The following NCOA1 variants were observed in gnomAD, a reference collection of about 807,000 sequenced individuals.
The protein encoded by NCOA1 is Hin-2 protein.
In NCOA1, 35 loss-of-function variants were observed where a neutral mutation model predicts 150.9. The observed-to-expected ratio is 0.23, with a 90% CI of 0.18 to 0.31. NCOA1 has a LOEUF of 0.31. Ranked by LOEUF, NCOA1 falls within the 10% of genes least tolerant of loss-of-function variation. The probability of loss-of-function intolerance (pLI) is 1.00; values close to 1 mark genes in which losing one functional copy is unlikely to be tolerated. For synonymous variants in NCOA1, 590 were observed against 630.0 expected (o/e 0.94, Z 0.95); for missense variants, 1,491 against 1,749.3 (o/e 0.85, Z 2.63).
chr2:24,660,991 G>A (rs937180915), intron 5 of NCOA1, among the ~76,000 whole-genome samples: 4 of 152,052 alleles, frequency 2.6e-5, no homozygotes. Flanking sequence ...AACCCGGGAG[G>A]TGGAGGTTGC....
chr2:24,573,561 G>T, intron 2 of NCOA1, among the ~76,000 whole-genome samples: 1 of 152,074 alleles, frequency 6.6e-6, no homozygotes, highest in East Asian at 1.9e-4. Context: ...TTGATGATTT[G>T]GGGTTTATTT....
At chr2:24,603,824 G>A (rs993670757) in intron 3 of NCOA1, among the ~76,000 whole-genome samples, 1 of 152,210 alleles carries the variant, frequency 6.6e-6, no homozygotes, top group Non-Finnish European at 1.5e-5. Flanking sequence ...GATCTCCCAT[G>A]AATCACGAAT....
chr2:24,645,622 T>C (rs1255972979), intron 4 of NCOA1, among the ~76,000 whole-genome samples: 1 of 152,104 alleles, frequency 6.6e-6, no homozygotes, highest in African/African-American at 2.4e-5. Flanking sequence ...GTGCCCCATA[T>C]CTGAAATGCT....
chr2:24,615,313 T>G (rs1668827467), intron 3 of NCOA1, among the ~76,000 whole-genome samples: 1 of 152,228 alleles, frequency 6.6e-6, no homozygotes, highest in African/African-American at 2.4e-5. Context: ...TGCTTGTTAC[T>G]AGTAGCTATG....
At chr2:24,576,172 T>TC (rs1666969242) in intron 2 of NCOA1, among the ~76,000 whole-genome samples, 1 of 37,936 alleles carries the variant, frequency 2.6e-5, no homozygotes, top group Non-Finnish European at 7.8e-5. Context: ...TGTTTTTTGT[T>TC]TTTTTTTTTT....
Position 24,577,464 on chromosome 2 carries a change from C to T in NCOA1, c.-259-7012C>T, listed in dbSNP as rs1368766358. ...TGGGAATCATAAGATTGAGTGTAAT[C>T]GTCTTCCAAATTCTGACATGCTGCT... On this transcript the variant is annotated intron_variant, in intron 2 of 22. Transcript: ENST00000348332. Among the ~76,000 whole-genome samples the T allele has an allele frequency of 2.6e-5, 4 of 152,136 alleles. No individual in the cohort carries two copies. In the East Asian group the frequency reaches 7.7e-4, roughly 29 times the overall value.
intron 1 of NCOA1, among the ~76,000 whole-genome samples, chr2:24,552,046 G>A (rs1665850059): frequency 6.6e-6 from 1 of 151,892 alleles, no homozygotes; most frequent in South Asian, 2.1e-4. Flanking sequence ...CTTAATTGCT[G>A]TAGCTTTATG....
chr2:24,742,141 A>G lies in NCOA1; in HGVS notation c.3661A>G (p.Ile1221Val). The change falls in exon 19 of 23, where the codon ATC becomes GTC. Residue 1221 changes from isoleucine to valine, a missense_variant. Ile to Val is a conservative substitution (Grantham distance 29). Transcript: ENST00000348332. ...GNIGGQFGTGINPQMQQNVFQ... is the reference protein window; with the variant it reads ...GNIGGQFGTGVNPQMQQNVFQ... ...CATAGGAGGACAGTTTGGCACTGGA[A>G]TCAATCCTCAGATGCAGCAGAATGT... 1.2e-6 allele frequency: 2 copies of G among 1,613,960 alleles called. No individual in the cohort carries two copies. The highest frequency in any genetic ancestry group is 1.7e-6 in the Non-Finnish European group (2 of 1,179,878).
intron 9 of NCOA1, among the ~76,000 whole-genome samples, chr2:24,692,433 G>A (rs1008072059): frequency 1.3e-5 from 2 of 152,134 alleles, no homozygotes; most frequent in African/African-American, 2.4e-5. Flanking sequence ...ACAAAACTTG[G>A]GAATGGGACT....
At chr2:24,624,174 G>GA (rs958095580) in intron 3 of NCOA1, among the ~76,000 whole-genome samples, 5 of 151,394 alleles carry the variant, frequency 3.3e-5, no homozygotes, top group African/African-American at 9.7e-5. Context: ...TTGCAGTAAA[G>GA]AAAAAAAATG....
At chr2:24,648,359 C>T (rs1009455848) in intron 4 of NCOA1, among the ~76,000 whole-genome samples, 8 of 151,970 alleles carry the variant, frequency 5.3e-5, no homozygotes, top group Admixed American at 2.0e-4. Flanking sequence ...CTGCATCCTC[C>T]GCCTCCCGGG....
intron 6 of NCOA1, among the ~76,000 whole-genome samples, chr2:24,671,278 C>T (rs1239343980): frequency 6.6e-6 from 1 of 152,026 alleles, no homozygotes; most frequent in Non-Finnish European, 1.5e-5. Flanking sequence ...AAAGTTTGTA[C>T]AATTGTCCCT....
intron 2 of NCOA1, among the ~76,000 whole-genome samples, chr2:24,575,355 C>A (rs1666911124): frequency 6.6e-6 from 1 of 152,058 alleles, no homozygotes; most frequent in Non-Finnish European, 1.5e-5. Flanking sequence ...TTCAACACTT[C>A]CATATCTTTT....
At position 24,641,936 on chromosome 2, in the gene NCOA1, A is replaced by ACTATTT. The variant is rs1000477633; in HGVS notation, c.-174-2027_-174-2022dup. 6.8e-4 allele frequency among the ~76,000 whole-genome samples: 103 copies of ACTATTT among 151,856 alleles called. 1 individual carries two copies. Among genetic ancestry groups the ACTATTT allele is most frequent in the African/African-American group, 2.4e-3 (98 of 41,370 alleles). ...TTTTCTATCATTATTTCCCCATAAT[A>ACTATTT]CTATTTCTGCCCCAGTGTCTTTCGC... On this transcript the variant is annotated intron_variant, in intron 3 of 22. Transcript: ENST00000348332.
intron 11 of NCOA1, among the ~76,000 whole-genome samples, chr2:24,699,786 A>G (rs1026991185): frequency 1.8e-5 from 2 of 110,654 alleles, no homozygotes; most frequent in Non-Finnish European, 4.7e-5. Flanking sequence ...TGTTAAAGAT[A>G]GTGACCTGCT....
intron 1 of NCOA1, among the ~76,000 whole-genome samples, chr2:24,521,315 A>C (rs1285942483): frequency 6.6e-6 from 1 of 152,172 alleles, no homozygotes; most frequent in Non-Finnish European, 1.5e-5. Context: ...CCATGCTGTA[A>C]AATAGAGCTC....
intron 19 of NCOA1, among the ~76,000 whole-genome samples, chr2:24,750,182 T>G (rs1664145069): frequency 6.6e-6 from 1 of 152,108 alleles, no homozygotes; most frequent in African/African-American, 2.4e-5. Context: ...ACCTGGTAAT[T>G]TACTCAAAAT....
At chr2:24,766,860 T>C (rs1280111057) in intron 22 of NCOA1, among the ~76,000 whole-genome samples, 3 of 151,824 alleles carry the variant, frequency 2.0e-5, no homozygotes, top group Non-Finnish European at 4.4e-5. Context: ...TGGTGTGTTA[T>C]AGACACAAGA....
At chr2:24,630,885 CAAATA>C (rs1391807300) in intron 3 of NCOA1, among the ~76,000 whole-genome samples, 1 of 152,062 alleles carries the variant, frequency 6.6e-6, no homozygotes, top group South Asian at 2.1e-4. Flanking sequence ...ATGGGAAAGT[CAAATA>C]AACTTTATAC....
Sources: allele counts gnomAD v4.1 joint callset (sites outside exome capture counted in the v4.1 genomes callset), GRCh38; gene constraint gnomAD v4.1.1; transcripts MANE v1.5; gene names NCBI Gene and HGNC (gene_info 2026-07-23, HGNC 2026-07-21).